UBXN4: variants seen among roughly 807,000 people sequenced by gnomAD.
The protein encoded by UBXN4 is UBX domain-containing protein 4.
A neutral mutation model predicts 66.2 loss-of-function variants in UBXN4; 35 were observed. The observed-to-expected ratio is 0.53, with a 90% CI of 0.40 to 0.70. The LOEUF (loss-of-function observed/expected upper bound fraction) is 0.70. Among genes scored for constraint, UBXN4 ranks in the 30% least tolerant of loss-of-function variants. The pLI, the probability that UBXN4 is intolerant of heterozygous loss-of-function variation, is 0.00. For missense variants in UBXN4, 533 were observed against 599.8 expected, an observed-to-expected ratio of 0.89 and a Z score of 1.16; for synonymous variants, 203 against 204.5, an observed-to-expected ratio of 0.99 and a Z score of 0.06.
chr2:135,748,672 C>T (rs1022234180), intron 2 of UBXN4, among the ~76,000 whole-genome samples: 1 of 150,510 alleles, frequency 6.6e-6, no homozygotes, highest in African/African-American at 2.5e-5. Flanking sequence ...CTACAGTGAG[C>T]TGTGATCATG....
At chr2:135,755,923 A>G (rs1164263091) in intron 5 of UBXN4, among the ~76,000 whole-genome samples, 1 of 152,178 alleles carries the variant, frequency 6.6e-6, no homozygotes, top group Non-Finnish European at 1.5e-5. Flanking sequence ...ATTGATTTAT[A>G]ATTTCTGCTA....
rs761686220 is a variant in UBXN4 at position 135,741,996 on chromosome 2, G to T, written c.67G>T (p.Val23Leu). Residue 23 changes from valine (V) to leucine (L), a missense_variant, in exon 1 of 13, where the codon GTG becomes TTG. Val to Leu is a conservative substitution (Grantham distance 32, BLOSUM62 1). Coordinates refer to ENST00000272638, the MANE Select transcript of UBXN4 (RefSeq NM_014607.4). ...ATAKRSGAVF[V>L]VFVAGDDEQS... ...GGCCAAAAGGAGCGGCGCGGTCTTC[G>T]TGGTGTTCGTGGCAGGTGAAGGAGG... 2.5e-6 allele frequency: 4 copies of T among 1,613,270 alleles called. No homozygotes were observed. Among genetic ancestry groups the T allele is most frequent in the East Asian group, 2.2e-5 (1 of 44,842 alleles).
At chr2:135,781,175 T>C (rs1258790856) in intron 12 of UBXN4, among the ~76,000 whole-genome samples, 2 of 152,196 alleles carry the variant, frequency 1.3e-5, no homozygotes, top group African/African-American at 2.4e-5. Flanking sequence ...GCCAAGATTG[T>C]GCCATTGCAC....
chr2:135,750,501 G>A (rs1025560483), intron 2 of UBXN4, among the ~76,000 whole-genome samples: 14 of 151,596 alleles, frequency 9.2e-5, no homozygotes, highest in East Asian at 1.9e-4. Context: ...GCAAGACTCC[G>A]TCTCAAAAAA....
chr2:135,773,645 T>C lies in UBXN4; in HGVS notation c.950+1098T>C, dbSNP rs567573714. On this transcript the variant is annotated intron_variant, in intron 9 of 12. Transcript: ENST00000272638. ...GAAGGCAGTTCCCAAAACAAAAATA[T>C]GTTGAAAAGACAAAAAAAGTTTAGA... Among the ~76,000 whole-genome samples, 9 of 152,268 alleles carry C rather than the reference T, an allele frequency of 5.9e-5. No individual in the cohort carries two copies. In the East Asian group the frequency reaches 1.7e-3, roughly 29 times the overall value.
rs146532187 is a variant in UBXN4 at position 135,764,806 on chromosome 2, T to C, written c.602+2895T>C. ...CAGGTGTGAGCCACAGCACCTCGCC[T>C]GTGATGGTTTTTTGTTTGTTTGTTT... On this transcript the variant is annotated intron_variant, in intron 6 of 12. Coordinates refer to ENST00000272638, the MANE Select transcript of UBXN4 (RefSeq NM_014607.4). 2.0e-3 allele frequency among the ~76,000 whole-genome samples: 300 copies of C among 151,656 alleles called. 1 individual carries two copies. The highest frequency in any genetic ancestry group is 6.9e-3 in the African/African-American group (284 of 41,358).
In UBXN4 at chr2:135,778,939, A is replaced by G; in HGVS notation, c.1054-9A>G. On this transcript the variant is annotated splice_polypyrimidine_tract_variant and intron_variant, in intron 10 of 12. Transcript: ENST00000272638. ...GGCACTCTTTAAGTTTTTAAAACTT[A>G]TTTTACAGACTGTTGGCAACACTTA... is the stretch of plus-strand genomic sequence containing the variant. The G allele has an allele frequency of 1.9e-6, 3 of 1,597,772 alleles. No homozygotes were observed. Among genetic ancestry groups the G allele is most frequent in the Non-Finnish European group, 2.6e-6 (3 of 1,173,536 alleles).
rs561959679 is a variant in UBXN4, at chr2:135,764,187, T to TA, written c.602+2277dup. ...GATGGATTAGCAAATGTAAGATTCTTACTTTCCTCTCAGGCTACAGTTGAA... is the reference window on the plus strand; with the variant it reads ...GATGGATTAGCAAATGTAAGATTCTTAACTTTCCTCTCAGGCTACAGTTGAA... On this transcript the variant is annotated intron_variant, in intron 6 of 12. Transcript: ENST00000272638. Among the ~76,000 whole-genome samples, 83 of 152,300 alleles carry TA rather than the reference T, an allele frequency of 5.4e-4. 1 individual carries two copies. In the South Asian group the frequency reaches 6.0e-3, roughly 11 times the overall value.
At chr2:135,761,932 A>G (rs2077318801) in intron 6 of UBXN4, 21 bp downstream of exon 6, 1 of 1,599,418 alleles carries the variant, frequency 6.3e-7, no homozygotes, top group Admixed American at 1.8e-5. Context: ...CTTTTTGCAA[A>G]TAGCATTTTG....
chr2:135,776,014 C>T (rs916056785), intron 9 of UBXN4, among the ~76,000 whole-genome samples: 2 of 152,214 alleles, frequency 1.3e-5, no homozygotes, highest in African/African-American at 4.8e-5. Flanking sequence ...GGTGATCCGC[C>T]CGCCTTGGCC....
intron 5 of UBXN4, among the ~76,000 whole-genome samples, chr2:135,758,917 C>T (rs567261967): frequency 4.3e-4 from 65 of 152,122 alleles, no homozygotes; most frequent in African/African-American, 1.4e-3. Context: ...CACCACCATG[C>T]CCGGCTAATT....
intron 4 of UBXN4, among the ~76,000 whole-genome samples, chr2:135,754,928 C>T (rs1032424087): frequency 2.6e-5 from 4 of 152,038 alleles, no homozygotes; most frequent in Non-Finnish European, 4.4e-5. Flanking sequence ...GGATTACAGG[C>T]GCATGCCACC....
At chr2:135,742,142 C>T (rs1325675650) in intron 1 of UBXN4, 131 bp downstream of exon 1, 5 of 1,069,476 alleles carry the variant, frequency 4.7e-6, no homozygotes, top group Non-Finnish European at 6.7e-6. Context: ...ATTGCCACTA[C>T]TACCCCGCGC....
chr2:135,746,213 A>G (rs2077206802), intron 1 of UBXN4, among the ~76,000 whole-genome samples: 1 of 152,066 alleles, frequency 6.6e-6, no homozygotes, highest in African/African-American at 2.4e-5. Context: ...GTATTCCTGA[A>G]TCTCATCTCA....
At chr2:135,746,804 C>T (rs150123608) in intron 1 of UBXN4, among the ~76,000 whole-genome samples, 13 of 152,056 alleles carry the variant, frequency 8.5e-5, no homozygotes, top group Admixed American at 2.6e-4. Flanking sequence ...GGCCTTCAAG[C>T]GCCCTGTAAG....
intron 6 of UBXN4, among the ~76,000 whole-genome samples, chr2:135,768,713 A>G (rs2077362957): frequency 6.6e-6 from 1 of 151,482 alleles, no homozygotes. Context: ...ACAGGCGCTC[A>G]CCACCACGCC....
At chr2:135,769,578 G>A (rs372132567) in intron 6 of UBXN4, among the ~76,000 whole-genome samples, 191 bp from the exon 7 acceptor site, 1 of 152,098 alleles carries the variant, frequency 6.6e-6, no homozygotes, top group Non-Finnish European at 1.5e-5. Flanking sequence ...ATGAAGCTAG[G>A]CTTCTGATGG....
chr2:135,751,261 A>T (rs2077239472), intron 2 of UBXN4, among the ~76,000 whole-genome samples: 1 of 150,764 alleles, frequency 6.6e-6, no homozygotes, highest in African/African-American at 2.4e-5. Context: ...ATCTTGGCTC[A>T]CTGCAAGCTC....
At chr2:135,763,698 C>T (rs1264241533) in intron 6 of UBXN4, among the ~76,000 whole-genome samples, 1 of 152,030 alleles carries the variant, frequency 6.6e-6, no homozygotes, top group African/African-American at 2.4e-5. Flanking sequence ...AGGTGGTGCA[C>T]ACCTGTAGTC....
Sources: gnomAD v4.1 joint callset for allele counts (sites outside exome capture counted in the v4.1 genomes callset) on GRCh38, gnomAD v4.1.1 for gene constraint, MANE v1.5 for transcripts, NCBI Gene and HGNC (gene_info 2026-07-23, HGNC 2026-07-21) for gene names.